Variants in R3HCC1L observed in about 807,000 individuals in gnomAD.
R3HCC1L encodes the protein R3H domain and coiled-coil containing 1 like, also known as coiled-coil domain-containing protein R3HCC1L.
Under a neutral mutation model 59.9 loss-of-function variants are expected in R3HCC1L, and 51 were observed. The observed-to-expected ratio is 0.85, with a 90% confidence interval of 0.68 to 1.07. The LOEUF (loss-of-function observed/expected upper bound fraction) is 1.07, where lower values mean the gene tolerates loss of function less well. Ranked by LOEUF, R3HCC1L falls within the 50% of genes least tolerant of loss-of-function variation. The pLI is 0.00. For synonymous variants in R3HCC1L, 322 were observed against 315.2 expected (o/e 1.02, Z -0.23); for missense variants, 965 against 933.0 (o/e 1.03, Z -0.45).
At chr10:98,186,257 C>G (rs1005139294) in intron 4 of R3HCC1L, among the ~76,000 whole-genome samples, 1 of 152,148 alleles carries the variant, frequency 6.6e-6, no homozygotes, top group Non-Finnish European at 1.5e-5. Flanking sequence ...AAATGAACTT[C>G]TCTTGCCTGA....
At chr10:98,165,537 A>T (rs1361317708) in intron 4 of R3HCC1L, among the ~76,000 whole-genome samples, 1 of 152,256 alleles carries the variant, frequency 6.6e-6, no homozygotes, top group Non-Finnish European at 1.5e-5. Context: ...TTGATTTGAT[A>T]CGTATGCTAT....
intron 4 of R3HCC1L, among the ~76,000 whole-genome samples, chr10:98,199,064 A>G (rs1268905888): frequency 6.6e-6 from 1 of 152,116 alleles, no homozygotes; most frequent in Non-Finnish European, 1.5e-5. Flanking sequence ...TTTTGTATGA[A>G]GTCTTTGAAA....
At chr10:98,215,119 A>G (rs1459500753) in intron 5 of R3HCC1L, among the ~76,000 whole-genome samples, 2 of 152,204 alleles carry the variant, frequency 1.3e-5, no homozygotes, top group Non-Finnish European at 2.9e-5. Flanking sequence ...GTCAACAGAT[A>G]TTGAACAAAT....
chr10:98,238,962 C>T (rs1308346398), intron 9 of R3HCC1L, among the ~76,000 whole-genome samples: 1 of 152,130 alleles, frequency 6.6e-6, no homozygotes, highest in Non-Finnish European at 1.5e-5. Context: ...ACAACTTTAA[C>T]GCTAAAGATT....
At chr10:98,172,044 G>GTCCTAGT (rs1195868634) in intron 4 of R3HCC1L, among the ~76,000 whole-genome samples, 1 of 152,184 alleles carries the variant, frequency 6.6e-6, no homozygotes, top group East Asian at 1.9e-4. Context: ...ATTTTAATCT[G>GTCCTAGT]TCCTAGTTTT....
At chr10:98,156,018 C>T (rs1456204489) in intron 1 of R3HCC1L, 75 bp from the exon 2 acceptor site, 1 of 151,610 alleles carries the variant, frequency 6.6e-6, no homozygotes, top group Non-Finnish European at 1.5e-5. Context: ...GTGCAGTTTT[C>T]CACAAGGTCA....
chr10:98,175,246 C>T (rs957149294), intron 4 of R3HCC1L, among the ~76,000 whole-genome samples: 5 of 152,064 alleles, frequency 3.3e-5, no homozygotes, highest in Middle Eastern at 3.2e-3. Context: ...AGCCAAGAAT[C>T]AGAAATTAAA....
intron 2 of R3HCC1L, among the ~76,000 whole-genome samples, chr10:98,158,750 G>A (rs775130851): frequency 7.9e-5 from 12 of 151,666 alleles, no homozygotes; most frequent in Admixed American, 2.6e-4. Flanking sequence ...AGTGCACTCA[G>A]TTGTCATATC....
intron 4 of R3HCC1L, among the ~76,000 whole-genome samples, chr10:98,182,309 C>T (rs950657734): frequency 5.3e-5 from 8 of 152,194 alleles, no homozygotes; most frequent in South Asian, 2.1e-4. Flanking sequence ...GCTGGAGGTT[C>T]GCTCTGGACC....
intron 1 of R3HCC1L, among the ~76,000 whole-genome samples, chr10:98,137,125 C>T (rs764796603): frequency 1.2e-4 from 19 of 152,090 alleles, no homozygotes; most frequent in Non-Finnish European, 5.9e-5. Flanking sequence ...GTAGGGGAAT[C>T]GCTTGAACTC....
chr10:98,220,543 A>G (rs1590768772), intron 5 of R3HCC1L, among the ~76,000 whole-genome samples: 1 of 88,996 alleles, frequency 1.1e-5, no homozygotes, highest in Non-Finnish European at 2.1e-5. Flanking sequence ...CCCACCCCAC[A>G]ACAGTCCCCA....
At chr10:98,155,477 C>T (rs1463653926) in intron 1 of R3HCC1L, among the ~76,000 whole-genome samples, 3 of 151,974 alleles carry the variant, frequency 2.0e-5, no homozygotes, top group Non-Finnish European at 4.4e-5. Flanking sequence ...CTGTCCCTTT[C>T]GGTTGAAAAT....
At chr10:98,234,414 T>G (rs1188000092) in intron 6 of R3HCC1L, 32 bp from the exon 7 acceptor site, 13 of 1,584,882 alleles carry the variant, frequency 8.2e-6, no homozygotes, top group Non-Finnish European at 1.1e-5. Flanking sequence ...AAATTTTATT[T>G]TAGGAAATAA....
intron 6 of R3HCC1L, among the ~76,000 whole-genome samples, chr10:98,233,095 T>G (rs1013387616): frequency 3.3e-5 from 5 of 152,172 alleles, no homozygotes; most frequent in African/African-American, 1.2e-4. Flanking sequence ...AAATTCATAA[T>G]AGATTTTTTA....
intron 1 of R3HCC1L, among the ~76,000 whole-genome samples, chr10:98,145,932 G>C (rs1845607525): frequency 6.6e-6 from 1 of 151,150 alleles, no homozygotes; most frequent in Admixed American, 6.6e-5. Flanking sequence ...CTGGGAGACA[G>C]AGCGAGACTC....
Position 98,208,870 on chromosome 10 carries a change from A to G in R3HCC1L, c.756A>G (p.Thr252=), listed in dbSNP as rs530861498. The change falls in exon 5 of 10, where the codon ACA becomes ACG. Residue 252 remains threonine (T), a synonymous_variant. Coordinates refer to ENST00000298999, the MANE Select transcript of R3HCC1L (RefSeq NM_001351015.2). ...AAATTGTACAACAAAGCATGCAAACATCAGATGGAATATTGAATCCCAGCA... is the reference window on the plus strand; with the variant it reads ...AAATTGTACAACAAAGCATGCAAACGTCAGATGGAATATTGAATCCCAGCA... ...DSEIVQQSMQ[T]SDGILNPSSG... 1.2e-5 allele frequency: 20 copies of G among 1,614,160 alleles called. No individual in the cohort carries two copies. The highest frequency in any genetic ancestry group is 1.7e-5 in the Non-Finnish European group (20 of 1,180,014).
intron 1 of R3HCC1L, among the ~76,000 whole-genome samples, chr10:98,135,584 TAATA>T (rs1489833020): frequency 6.6e-6 from 1 of 152,196 alleles, no homozygotes; most frequent in Non-Finnish European, 1.5e-5. Flanking sequence ...TCAAATTAGT[TAATA>T]AATAGGGGGA....
intron 4 of R3HCC1L, among the ~76,000 whole-genome samples, chr10:98,181,097 G>A (rs542182122): frequency 1.3e-5 from 2 of 152,290 alleles, no homozygotes; most frequent in South Asian, 2.1e-4. Flanking sequence ...TCGTTATGAT[G>A]TTAGCTGGTT....
At chr10:98,147,791 A>G (rs572392416) in intron 1 of R3HCC1L, among the ~76,000 whole-genome samples, 10 of 152,294 alleles carry the variant, frequency 6.6e-5, no homozygotes, top group Admixed American at 3.3e-4. Context: ...TGCCAGTACC[A>G]TATTGATGTG....
Sources: gnomAD v4.1 joint callset for allele counts (sites outside exome capture counted in the v4.1 genomes callset) on GRCh38, gnomAD v4.1.1 for gene constraint, MANE v1.5 for transcripts, NCBI Gene and HGNC (gene_info 2026-07-23, HGNC 2026-07-21) for gene names.